OARD1: variants seen among roughly 807,000 people sequenced by gnomAD.
OARD1 encodes O-acyl-ADP-ribose deacylase 1.
OARD1 carries 19 observed loss-of-function variants against 19.7 expected under a neutral mutation model. That is an observed-to-expected ratio of 0.96 (90% CI 0.67 to 1.41). OARD1 has a LOEUF of 1.41. Ranked by LOEUF, OARD1 falls within the 40% of genes most tolerant of loss-of-function variation. The pLI is 0.00. For missense variants in OARD1, 190 were observed against 183.8 expected (o/e 1.03, Z -0.20); for synonymous variants, 70 against 61.8 (o/e 1.13, Z -0.62).
At chr6:41,075,656 C>T (rs1347582861), upstream of OARD1, 1 of 151,788 alleles carries the variant, frequency 6.6e-6, no homozygotes, top group Non-Finnish European at 1.5e-5. Context: ...CATCACATAG[C>T]TAAATCTTTC....
intron 3 of OARD1, 139 bp downstream of exon 3, chr6:41,070,993 A>G: frequency 1.2e-6 from 1 of 842,010 alleles, no homozygotes; most frequent in Non-Finnish European, 2.0e-6. Flanking sequence ...TCTAAACTAG[A>G]GGCCATTCTT....
chr6:41,090,144 AT>A, intron 1 of OARD1: 5 of 1,166,390 alleles, frequency 4.3e-6, no homozygotes, highest in Non-Finnish European at 6.4e-6. Flanking sequence ...TAAGGACTAC[AT>A]CGTTCTTTGT....
chr6:41,075,305 C>G (rs940814752), upstream of OARD1: 2 of 152,254 alleles, frequency 1.3e-5, no homozygotes, highest in African/African-American at 4.8e-5. Flanking sequence ...CCTTCTTGTT[C>G]TCCCAAAACG....
At chr6:41,080,549 A>G (rs1390965590) in intron 1 of OARD1, among the ~76,000 whole-genome samples, 1 of 152,230 alleles carries the variant, frequency 6.6e-6, no homozygotes, top group Non-Finnish European at 1.5e-5. Flanking sequence ...CTGGAGGGAA[A>G]GATTGCATTA....
In OARD1 at chr6:41,066,335, T is replaced by C. The variant is rs1467856405; in HGVS notation, c.*1000A>G. 2 of 152,096 alleles carry C rather than the reference T, an allele frequency of 1.3e-5. No homozygotes were observed. The allele number at this position is 152,096 out of a possible 1,614,324, so 9.4% of individuals were successfully genotyped here. On this transcript the variant is annotated 3_prime_UTR_variant, in exon 6 of 6. Transcript: ENST00000424266. Reference sequence around the variant, plus strand: ...TTTTTGTAGAGACAGGGTCTCGCTATGTTAACCAGGTTTGTCTCAAACTCC... The same window carrying C: ...TTTTTGTAGAGACAGGGTCTCGCTACGTTAACCAGGTTTGTCTCAAACTCC...
rs1561843122 is a variant in OARD1 at position 41,070,079 on chromosome 6, G to A, written c.240C>T (p.Tyr80=). The A allele has an allele frequency of 1.3e-6, 2 of 1,581,588 alleles. No homozygotes were observed. Among genetic ancestry groups the A allele is most frequent in the South Asian group, 1.1e-5 (1 of 90,252 alleles). Reference sequence around the variant, plus strand: ...AAAGGAATTGGCCCCATCTTACCAAGTAATATATATATCGCCCATCTCTCT... The same window carrying A: ...AAAGGAATTGGCCCCATCTTACCAAATAATATATATATCGCCCATCTCTCT... The part of the protein sequence containing the change: ...VLKRDGRYIY[Y]LITKKRASHK... Residue 80 remains tyrosine (Y), a synonymous_variant, in exon 4 of 6, where the codon TAC becomes TAT. Coordinates refer to ENST00000424266, the MANE Select transcript of OARD1 (RefSeq NM_001329686.2).
chr6:41,077,243 T>C (rs1350567370), upstream of OARD1, among the ~76,000 whole-genome samples: 3 of 152,324 alleles, frequency 2.0e-5, no homozygotes, highest in Non-Finnish European at 1.5e-5. Flanking sequence ...AGAGATACTT[T>C]AGAAACAAAG....
Position 41,067,401 on chromosome 6 carries a change from AT to A in OARD1, c.392del (p.Asn131MetfsTer5). On this transcript the variant is annotated frameshift_variant, in exon 6 of 6. Coordinates refer to ENST00000424266, the MANE Select transcript of OARD1 (RefSeq NM_001329686.2). LOFTEE classifies it high-confidence loss of function. The part of the protein sequence containing the change: ...GCGLDRLQWE[N>X]VSAMIEEVFE... Reference sequence around the variant, plus strand: ...ATACCTCCTCGATCATCGCAGATACATTTTCCCATTGCAGACGATCAAGACC... The same window carrying A: ...ATACCTCCTCGATCATCGCAGATACATTTCCCATTGCAGACGATCAAGACC... 6.2e-7 allele frequency: 1 copy of A among 1,613,730 alleles called. No homozygotes were observed. The highest frequency in any genetic ancestry group is 8.5e-7 in the Non-Finnish European group (1 of 1,179,688).
chr6:41,091,512 T>G, intron 1 of OARD1: 1 of 1,612,576 alleles, frequency 6.2e-7, no homozygotes, highest in Admixed American at 1.7e-5. Flanking sequence ...TTGTTTTATG[T>G]TTTGTTTTCT....
upstream of OARD1, chr6:41,073,188 CG>C: frequency 6.6e-6 from 1 of 152,350 alleles, no homozygotes; most frequent in Non-Finnish European, 1.5e-5. Flanking sequence ...CCGTCGAGCC[CG>C]GGGAGTCGAG....
At chr6:41,084,215 G>A in intron 1 of OARD1, 2 of 1,612,288 alleles carry the variant, frequency 1.2e-6, no homozygotes, top group Non-Finnish European at 1.7e-6. Flanking sequence ...TAAAAATATT[G>A]AGCAGTATAT....
At chr6:41,096,418 G>C (rs1764359563) in intron 1 of OARD1, among the ~76,000 whole-genome samples, 1 of 152,218 alleles carries the variant, frequency 6.6e-6, no homozygotes, top group Non-Finnish European at 1.5e-5. Context: ...CTAACAATAT[G>C]ATCTTGGTCA....
chr6:41,078,452 A>G lies in OARD1; in HGVS notation c.-41-6777T>C, dbSNP rs181667913. Among the ~76,000 whole-genome samples, 62 of 151,662 alleles carry G rather than the reference A, an allele frequency of 4.1e-4. 1 individual carries two copies. The highest frequency in any genetic ancestry group is 9.2e-4 in the Admixed American group (14 of 15,184). ...TTTATATATCTGTCCTCCCTCCCAT[A>G]TTTCCAAGATGAATTGCCGATTGCT... On this transcript the variant is annotated intron_variant, in intron 1 of 4. Transcript: ENST00000480585.
intron 1 of OARD1, among the ~76,000 whole-genome samples, chr6:41,088,572 A>G (rs1764111879): frequency 6.6e-6 from 1 of 151,930 alleles, no homozygotes; most frequent in African/African-American, 2.4e-5. Flanking sequence ...AGTAGAATAC[A>G]TTTTGGGTTT....
At chr6:41,087,465 A>T (rs190847022) in intron 1 of OARD1, among the ~76,000 whole-genome samples, 127 of 152,318 alleles carry the variant, frequency 8.3e-4, no homozygotes, top group African/African-American at 2.8e-3. Flanking sequence ...AGTTGAAATT[A>T]TGGATGGAAA....
chr6:41,077,161 T>C (rs1763757130), upstream of OARD1, among the ~76,000 whole-genome samples: 1 of 152,216 alleles, frequency 6.6e-6, no homozygotes, highest in South Asian at 2.1e-4. Flanking sequence ...GAAGGAAATT[T>C]GGAGTTGGGG....
intron 1 of OARD1, among the ~76,000 whole-genome samples, chr6:41,093,637 ATTTTTGTGT>A: frequency 6.6e-6 from 1 of 152,032 alleles, no homozygotes; most frequent in East Asian, 1.9e-4. Flanking sequence ...CGCCCAGCTT[ATTTTTGTGT>A]TTTTAGTAGA....
At chr6:41,089,532 A>G in intron 1 of OARD1, 1 of 1,505,206 alleles carries the variant, frequency 6.6e-7, no homozygotes, top group Non-Finnish European at 8.9e-7. Context: ...ACCAAAGGAG[A>G]CCAGTGTCAG....
Position 41,068,828 on chromosome 6 carries a change from T to G in OARD1, c.356+13A>C. On this transcript the variant is annotated intron_variant, in intron 5 of 5. Coordinates refer to ENST00000424266, the MANE Select transcript of OARD1 (RefSeq NM_001329686.2). ...TCAATTAAATCTCCATTTAGGACCA[T>G]GGATTTCCTTGCCTGGGCATGGAGA... is the stretch of plus-strand genomic sequence containing the variant. 3 of 1,385,352 alleles carry G rather than the reference T, an allele frequency of 2.2e-6. No individual in the cohort carries two copies. The highest frequency in any genetic ancestry group is 3.0e-6 in the Non-Finnish European group (3 of 985,686). The allele number at this position is 1,385,352 out of a possible 1,614,324, so 85.8% of individuals were successfully genotyped here.
Sources: gnomAD v4.1 joint callset for allele counts (sites outside exome capture counted in the v4.1 genomes callset) on GRCh38, gnomAD v4.1.1 for gene constraint, MANE v1.5 for transcripts, NCBI Gene and HGNC (gene_info 2026-07-23, HGNC 2026-07-21) for gene names.